The following TCF7 variants were observed in gnomAD, a reference collection of about 807,000 sequenced individuals.
TCF7 encodes the protein transcription factor 7.
A neutral mutation model predicts 46.8 loss-of-function variants in TCF7; 19 were observed. That is an observed-to-expected ratio of 0.41 (90% CI 0.28 to 0.60). TCF7 has a LOEUF of 0.60. TCF7 is among the 20% of genes least tolerant of loss of function. TCF7 has a pLI of 0.35. For missense variants in TCF7, 547 were observed against 504.6 expected, an observed-to-expected ratio of 1.08 and a Z score of -0.81; for synonymous variants, 245 against 213.4, an observed-to-expected ratio of 1.15 and a Z score of -1.29.
rs545893976 is a variant in TCF7, at chr5:134,137,224, G to A, written c.442-835G>A. Among the ~76,000 whole-genome samples, 3 of 152,300 alleles carry A rather than the reference G, an allele frequency of 2.0e-5. No individual in the cohort carries two copies. The South Asian group carries it at 6.2e-4, about 32-fold the overall frequency. The stretch of plus-strand genomic sequence containing the variant: ...GGATCACTTGAGGTCAGGAGTTTGA[G>A]ACCAGCCTGGTCAACATGGCGAAAC... On this transcript the variant is annotated intron_variant, in intron 3 of 9. Coordinates refer to ENST00000342854, the MANE Select transcript of TCF7 (RefSeq NM_003202.5).
chr5:134,130,192 G>T (rs1473061313), intron 3 of TCF7, among the ~76,000 whole-genome samples: 3 of 152,228 alleles, frequency 2.0e-5, no homozygotes, highest in Non-Finnish European at 4.4e-5. Flanking sequence ...CAGAGATGGG[G>T]TCTGCGAAAG....
intron 3 of TCF7, among the ~76,000 whole-genome samples, chr5:134,136,153 T>C (rs373666634): frequency 9.2e-5 from 14 of 151,838 alleles, no homozygotes; most frequent in African/African-American, 2.7e-4. Flanking sequence ...AGACAGGAGG[T>C]GGTAGCTGGG....
chr5:134,135,797 C>T (rs1345712351), intron 3 of TCF7, among the ~76,000 whole-genome samples: 1 of 151,906 alleles, frequency 6.6e-6, no homozygotes, highest in East Asian at 1.9e-4. Flanking sequence ...AAGCTGTAAA[C>T]CCAGATGAGA....
At chr5:134,116,464 A>T (rs978752052) in intron 3 of TCF7, among the ~76,000 whole-genome samples, 3 of 152,360 alleles carry the variant, frequency 2.0e-5, no homozygotes, top group Middle Eastern at 6.8e-3. Context: ...AGGAAAGCTG[A>T]TCTGTTCAGG....
chr5:134,115,609 C>T, intron 2 of TCF7: 2 of 1,432,716 alleles, frequency 1.4e-6, no homozygotes, highest in Non-Finnish European at 1.8e-6. Context: ...CCCCCGCCAT[C>T]CCCGCCTCCC....
chr5:134,108,830 G>A, the TCF7 span, among the ~76,000 whole-genome samples: 2 of 152,128 alleles, frequency 1.3e-5, no homozygotes, highest in Admixed American at 6.5e-5. Context: ...GGGACCCTAT[G>A]GGGTCAAAGT....
chr5:134,120,011 A>G (rs905883653), intron 3 of TCF7, among the ~76,000 whole-genome samples: 1 of 152,162 alleles, frequency 6.6e-6, no homozygotes, highest in African/African-American at 2.4e-5. Context: ...GAGGAGACAG[A>G]TAGAGACCTG....
At chr5:134,123,656 A>G (rs17167273) in intron 3 of TCF7, 56,784 of 455,430 alleles carry the variant, frequency 0.12, 6,198 homozygotes, top group African/African-American at 0.39. Context: ...GTGCGGTGAG[A>G]CTGGAGAAGA....
At chr5:134,142,612 A>AC in intron 6 of TCF7, 109 bp from the exon 7 acceptor site, 1 of 1,400,176 alleles carries the variant, frequency 7.1e-7, no homozygotes, top group Non-Finnish European at 9.6e-7. Flanking sequence ...CACTTAGAAA[A>AC]CTCTGGTATC....
rs1429072700 is a variant in TCF7 at position 134,142,384 on chromosome 5, G to A, written c.755+80G>A. The stretch of plus-strand genomic sequence containing the variant: ...CCCCACCAGGCCTGAGGACTGCCAC[G>A]AGGTCCCTGCCTAAGCTGTTTCGTG... On this transcript the variant is annotated intron_variant, in intron 6 of 9. Coordinates refer to ENST00000342854, the MANE Select transcript of TCF7 (RefSeq NM_003202.5). 3.4e-6 allele frequency: 5 copies of A among 1,456,430 alleles called. No individual in the cohort carries two copies. In the South Asian group the frequency reaches 6.0e-5, roughly 18 times the overall value. The allele number at this position is 1,456,430 out of a possible 1,614,324, so 90.2% of individuals were successfully genotyped here. A position where few individuals can be genotyped will look rare whatever the true frequency, so the allele number is the denominator to read the frequency against.
chr5:134,133,057 C>A (rs374159041), intron 3 of TCF7, among the ~76,000 whole-genome samples: 1 of 152,280 alleles, frequency 6.6e-6, no homozygotes, highest in East Asian at 1.9e-4. Flanking sequence ...TGGGAGTGAG[C>A]CCTGTCACCA....
At chr5:134,117,832 G>A (rs1327561903) in intron 3 of TCF7, among the ~76,000 whole-genome samples, 1 of 152,128 alleles carries the variant, frequency 6.6e-6, no homozygotes, top group African/African-American at 2.4e-5. Flanking sequence ...CCTCCTCCCC[G>A]CGCAGCCACA....
chr5:134,120,129 G>C (rs1756369039), intron 3 of TCF7, among the ~76,000 whole-genome samples: 1 of 152,056 alleles, frequency 6.6e-6, no homozygotes. Context: ...AAGGCCACAG[G>C]GTGTCCAACA....
chr5:134,145,375 T>C (rs982818818), intron 9 of TCF7: 1 of 549,772 alleles, frequency 1.8e-6, no homozygotes, highest in Middle Eastern at 3.0e-4. Flanking sequence ...TACCTACTGA[T>C]ACCAAAGGGC....
intron 9 of TCF7, chr5:134,145,095 T>C: frequency 1.6e-6 from 1 of 642,202 alleles, no homozygotes; most frequent in Admixed American, 2.2e-5. Context: ...AGACACAGAA[T>C]GTTCCAGAAA....
At chr5:134,118,773 TTTTGTG>T (rs1175314871) in intron 3 of TCF7, among the ~76,000 whole-genome samples, 1 of 152,000 alleles carries the variant, frequency 6.6e-6, no homozygotes, top group Non-Finnish European at 1.5e-5. Context: ...TTTTGTTTTG[TTTTGTG>T]TTTGTGTTTG....
At chr5:134,140,647 A>G (rs1759604721) in intron 5 of TCF7, 1 of 370,854 alleles carries the variant, frequency 2.7e-6, no homozygotes, top group Non-Finnish European at 5.3e-6. Flanking sequence ...AAACCGCACA[A>G]GCTGCCCTCT....
chr5:134,138,980 T>C lies in TCF7; in HGVS notation c.577T>C (p.Ser193Pro). ...CAGGCCTCTGCAGACCCCTGACCTC[T>C]CTGGCTTCTACTCCCTGACCTCAGG... ...VHRPLQTPDL[S>P]GFYSLTSGSM... Residue 193 changes from serine to proline, a missense_variant, in exon 5 of 10, where the codon TCT becomes CCT. Physicochemically the swap from Ser to Pro is moderately conservative, Grantham distance 74. Around this residue, in one of 3 missense-constraint regions of TCF7, gnomAD observed 425 missense variants for 349.9 expected, o/e 1.21. Transcript: ENST00000342854. 6.2e-7 allele frequency: 1 copy of C among 1,614,010 alleles called. No individual in the cohort carries two copies. Among genetic ancestry groups the C allele is most frequent in the South Asian group, 1.1e-5 (1 of 91,086 alleles).
intron 9 of TCF7, chr5:134,144,956 CT>C (rs1176773574): frequency 8.3e-6 from 10 of 1,204,950 alleles, no homozygotes; most frequent in Non-Finnish European, 9.8e-6. Context: ...CAGCCCACTC[CT>C]TTGGCCCCTC....
Sources: allele counts gnomAD v4.1 joint callset (sites outside exome capture counted in the v4.1 genomes callset), GRCh38; gene constraint gnomAD v4.1.1; regional missense constraint gnomAD v4.1.1; transcripts MANE v1.5; gene names NCBI Gene and HGNC (gene_info 2026-07-23, HGNC 2026-07-21).